Variants in VPS35L observed in about 807,000 individuals in gnomAD.
VPS35L encodes the protein VPS35 endosomal protein sorting factor like.
VPS35L carries 83 observed loss-of-function variants against 133.0 expected under a neutral mutation model. The ratio of observed to expected loss-of-function variants is 0.62; its 90% CI spans 0.52 to 0.75. The LOEUF (loss-of-function observed/expected upper bound fraction) is 0.75. VPS35L is among the 30% of genes least tolerant of loss of function. The probability of loss-of-function intolerance (pLI) is 0.00; values close to 1 mark genes in which losing one functional copy is unlikely to be tolerated. For missense variants in VPS35L, 1,083 were observed against 1,206.8 expected (o/e 0.90, Z 1.52); for synonymous variants, 423 against 449.9 (o/e 0.94, Z 0.76).
chr16:19,556,411 G>A (rs1365181881), intron 1 of VPS35L, among the ~76,000 whole-genome samples: 1 of 152,208 alleles, frequency 6.6e-6, no homozygotes, highest in Non-Finnish European at 1.5e-5. Context: ...CCACCATAGG[G>A]AGGGCGTGGC....
Position 19,610,427 on chromosome 16 carries a change from G to A in VPS35L, c.1023+12G>A, listed in dbSNP as rs200629239. 1.2e-5 allele frequency: 20 copies of A among 1,609,688 alleles called. No individual in the cohort carries two copies. Among genetic ancestry groups the A allele is most frequent in the East Asian group, 2.2e-5 (1 of 44,786 alleles). ...CCTACCTGTGCCGGGTAGGCCATGC[G>A]AGTCACTGCCCTTGACGGCACGGCT... On this transcript the variant is annotated intron_variant, in intron 12 of 30. Coordinates refer to ENST00000417362, the MANE Select transcript of VPS35L (RefSeq NM_020314.7).
At position 19,581,602 on chromosome 16, in the gene VPS35L, G is replaced by A; in HGVS notation, c.588G>A (p.Lys196=). 6.2e-7 allele frequency: 1 copy of A among 1,614,166 alleles called. No homozygotes were observed. Among genetic ancestry groups the A allele is most frequent in the South Asian group, 1.1e-5 (1 of 91,080 alleles). Residue 196 remains lysine, a synonymous_variant, in exon 7 of 31, where the codon AAG becomes AAA. Coordinates refer to ENST00000417362, the MANE Select transcript of VPS35L (RefSeq NM_020314.7). ...NRIEELNQSL[K]DAWASDQKVK... ...TAGAGGAGCTCAACCAATCGCTGAA[G>A]GATGCCTGGGCCTCAGACCAGAAAG...
intron 13 of VPS35L, 68 bp downstream of exon 13, chr16:19,616,259 GT>G (rs1241757069): frequency 7.1e-7 from 1 of 1,411,666 alleles, no homozygotes; most frequent in Non-Finnish European, 1.0e-6. Flanking sequence ...ACAAAACCCA[GT>G]TGGTTTTCCA....
At chr16:19,616,642 G>T in intron 13 of VPS35L, 44 bp from the exon 14 acceptor site, 3 of 1,598,042 alleles carry the variant, frequency 1.9e-6, no homozygotes, top group Non-Finnish European at 2.6e-6. Flanking sequence ...TTTGTTGTTT[G>T]GTTTTTCCCC....
chr16:19,581,775 T>G, intron 7 of VPS35L, 122 bp downstream of exon 7: 3 of 1,141,536 alleles, frequency 2.6e-6, no homozygotes, highest in Non-Finnish European at 3.8e-6. Flanking sequence ...CCCTTTCTTT[T>G]TCATATACTT....
chr16:19,665,903 G>A (rs1974647913), intron 26 of VPS35L, among the ~76,000 whole-genome samples: 1 of 151,714 alleles, frequency 6.6e-6, no homozygotes, highest in Non-Finnish European at 1.5e-5. Flanking sequence ...TCTCATTATA[G>A]TTTTCATTTG....
At position 19,666,655 on chromosome 16, in the gene VPS35L, G is replaced by A. The variant is rs902348812; in HGVS notation, c.2222-2505G>A. On this transcript the variant is annotated intron_variant, in intron 26 of 30. Transcript: ENST00000417362. Reference sequence around the variant, plus strand: ...ACAAAGCTGCTCTCTTTTTAATGAGGCATAATAATAGGCACATTCTCTGGG... The same window carrying A: ...ACAAAGCTGCTCTCTTTTTAATGAGACATAATAATAGGCACATTCTCTGGG... Among the ~76,000 whole-genome samples the A allele has an allele frequency of 1.4e-4, 22 of 152,096 alleles. 1 individual carries two copies. The highest frequency in any genetic ancestry group is 5.3e-4 in the African/African-American group (22 of 41,404).
At chr16:19,591,398 G>A (rs1316624229) in intron 7 of VPS35L, among the ~76,000 whole-genome samples, 4 of 152,138 alleles carry the variant, frequency 2.6e-5, no homozygotes, top group African/African-American at 9.7e-5. Context: ...CTTTCCTGAA[G>A]AAGGTGATAG....
intron 7 of VPS35L, among the ~76,000 whole-genome samples, chr16:19,588,450 C>T (rs997322096): frequency 3.3e-5 from 5 of 151,954 alleles, no homozygotes; most frequent in Admixed American, 6.6e-5. Context: ...CCTTGCCCCC[C>T]GCAAAGTGCT....
intron 8 of VPS35L, among the ~76,000 whole-genome samples, chr16:19,593,937 GA>G (rs372086435): frequency 6.6e-6 from 1 of 150,480 alleles, no homozygotes; most frequent in Admixed American, 6.6e-5. Context: ...AAAGAAAAGA[GA>G]AAAAAAAAGA....
chr16:19,671,126 G>A (rs906505876), intron 27 of VPS35L, among the ~76,000 whole-genome samples: 3 of 152,142 alleles, frequency 2.0e-5, no homozygotes, highest in African/African-American at 7.2e-5. Context: ...GTATTTTAGT[G>A]TAATTGGTTT....
chr16:19,700,577 C>A lies in VPS35L; in HGVS notation c.*101C>A. 4 of 1,022,210 alleles carry A rather than the reference C, an allele frequency of 3.9e-6. No homozygotes were observed. The highest frequency in any genetic ancestry group is 5.9e-6 in the Non-Finnish European group (4 of 676,540). 63.3% of individuals were successfully genotyped at this position (1,022,210 alleles called of 1,614,324 possible). On this transcript the variant is annotated 3_prime_UTR_variant, in exon 31 of 31. Coordinates refer to ENST00000417362, the MANE Select transcript of VPS35L (RefSeq NM_020314.7). ...ACGGCAATTTAGGTTTCTCATTTTT[C>A]TTTTCTTTTTACATATGTACAAATT...
chr16:19,593,912 G>A (rs577747091), intron 8 of VPS35L, among the ~76,000 whole-genome samples: 47 of 148,336 alleles, frequency 3.2e-4, no homozygotes, highest in Non-Finnish European at 4.4e-4. Flanking sequence ...GCGAGACTCC[G>A]TCTCCAAAAA....
intron 5 of VPS35L, chr16:19,578,821 C>G: frequency 1.8e-6 from 1 of 555,698 alleles, no homozygotes; most frequent in Non-Finnish European, 3.2e-6. Flanking sequence ...AGCGGTTAAC[C>G]TCTTTGAGGC....
intron 29 of VPS35L, among the ~76,000 whole-genome samples, chr16:19,694,612 C>G (rs1975836927): frequency 6.6e-6 from 1 of 152,090 alleles, no homozygotes; most frequent in African/African-American, 2.4e-5. Context: ...ATGTCAGCCT[C>G]CCAAGTAGCT....
At chr16:19,685,893 TCTCTC>T (rs1975440460) in intron 28 of VPS35L, among the ~76,000 whole-genome samples, 1 of 152,056 alleles carries the variant, frequency 6.6e-6, no homozygotes, top group South Asian at 2.1e-4. Context: ...CCCTCTCCTC[TCTCTC>T]CTCTCCTTCC....
At chr16:19,671,504 T>C (rs1360822615) in intron 27 of VPS35L, among the ~76,000 whole-genome samples, 1 of 136,162 alleles carries the variant, frequency 7.3e-6, no homozygotes, top group African/African-American at 2.8e-5. Flanking sequence ...GGGCCAGGCA[T>C]GATGGCTCAC....
chr16:19,627,874 A>G (rs1567436615), intron 16 of VPS35L, 69 bp downstream of exon 16: 1 of 1,320,526 alleles, frequency 7.6e-7, no homozygotes, highest in East Asian at 2.3e-5. Flanking sequence ...CTTGAGAGAC[A>G]GTCCGGTTTT....
chr16:19,560,193 C>T (rs1358930655), intron 1 of VPS35L, among the ~76,000 whole-genome samples: 1 of 152,224 alleles, frequency 6.6e-6, no homozygotes, highest in African/African-American at 2.4e-5. Context: ...TTCTAACAGC[C>T]TCAGCTTCTT....
Sources: allele counts gnomAD v4.1 joint callset (sites outside exome capture counted in the v4.1 genomes callset), GRCh38; gene constraint gnomAD v4.1.1; transcripts MANE v1.5; gene names NCBI Gene and HGNC (gene_info 2026-07-23, HGNC 2026-07-21).